The following PROS1 variants were observed in gnomAD, a reference collection of about 807,000 sequenced individuals.
PROS1 encodes the protein protein S.
In PROS1, 29 loss-of-function variants were observed where a neutral mutation model predicts 75.9. That is an observed-to-expected ratio of 0.38 (90% CI 0.28 to 0.52). The LOEUF (loss-of-function observed/expected upper bound fraction) is 0.52, where lower values mean the gene tolerates loss of function less well. Ranked by LOEUF, PROS1 falls within the 20% of genes least tolerant of loss-of-function variation. The pLI is 0.83. For synonymous variants in PROS1, 245 were observed against 280.6 expected (o/e 0.87, Z 1.27); for missense variants, 680 against 810.3 (o/e 0.84, Z 1.95).
rs1470771749 is a variant in PROS1 at position 93,898,463 on chromosome 3, A to G, written c.834T>C (p.Asp278=). 2 of 1,612,544 alleles carry G rather than the reference A, an allele frequency of 1.2e-6. No homozygotes were observed. The highest frequency in any genetic ancestry group is 2.7e-5 in the African/African-American group (2 of 74,858). ...AAATGTTTACCTCACAACTCTTCTGATCTTGGGCAAGTTTGAATCCTTTCT... is the reference window on the plus strand; with the variant it reads ...AAATGTTTACCTCACAACTCTTCTGGTCTTGGGCAAGTTTGAATCCTTTCT... ...DGKKGFKLAQ[D]QKSCEVVSVC... Residue 278 remains aspartate (D), a synonymous_variant, in exon 8 of 15, where the codon GAT becomes GAC. Transcript: ENST00000394236.
chr3:93,894,176 A>G (rs1171234920), intron 9 of PROS1, among the ~76,000 whole-genome samples: 1 of 152,180 alleles, frequency 6.6e-6, no homozygotes, highest in African/African-American at 2.4e-5. Flanking sequence ...TTACCGCAAT[A>G]TAGTAAAATA....
chr3:93,898,415 C>T (rs1708534869), intron 8 of PROS1, 33 bp downstream of exon 8: 1 of 1,609,642 alleles, frequency 6.2e-7, no homozygotes, highest in Non-Finnish European at 8.5e-7. Context: ...TTTTAGAAAA[C>T]AGGTGAGAAG....
chr3:93,905,688 A>G, intron 6 of PROS1, 96 bp downstream of exon 6: 3 of 1,316,578 alleles, frequency 2.3e-6, no homozygotes, highest in South Asian at 2.5e-5. Flanking sequence ...ATAAGCACTT[A>G]CATATCATTT....
rs200228050 is a variant in PROS1 at position 93,877,076 on chromosome 3, G to A, written c.1760C>T (p.Ser587Leu). ...FRVNRNNLEL[S>L]TPLKIETISH... ...GATGGTTTCTATTTTAAGTGGTGTC[G>A]ACAACTCCAGATTGTTTCTGTTGAC... The change falls in exon 14 of 15, where the codon TCG (serine) becomes TTG (leucine). Residue 587 changes from serine (S) to leucine (L), a missense_variant. Coordinates refer to ENST00000394236, the MANE Select transcript of PROS1 (RefSeq NM_000313.4). The A allele has an allele frequency of 3.0e-5, 48 of 1,612,908 alleles. No homozygotes were observed. The Admixed American group carries it at 5.3e-4, about 18-fold the overall frequency.
chr3:93,888,056 T>C (rs1047498452), intron 10 of PROS1, among the ~76,000 whole-genome samples: 3 of 152,206 alleles, frequency 2.0e-5, no homozygotes, highest in African/African-American at 7.2e-5. Context: ...ATGTAGGGAA[T>C]ATTCATGCTT....
At chr3:93,946,362 A>C (rs1709398601) in intron 1 of PROS1, among the ~76,000 whole-genome samples, 1 of 152,244 alleles carries the variant, frequency 6.6e-6, no homozygotes, top group African/African-American at 2.4e-5. Flanking sequence ...ATCCTAAGAC[A>C]AAAGAACAAA....
intron 12 of PROS1, among the ~76,000 whole-genome samples, chr3:93,884,132 T>C (rs1041309023): frequency 2.0e-5 from 3 of 152,206 alleles, no homozygotes; most frequent in African/African-American, 7.2e-5. Context: ...GTCTCTACTG[T>C]TATACGTAAG....
intron 1 of PROS1, among the ~76,000 whole-genome samples, chr3:93,930,437 G>A (rs1240261879): frequency 1.3e-5 from 2 of 152,172 alleles, no homozygotes; most frequent in African/African-American, 4.8e-5. Flanking sequence ...TTTCATTGAA[G>A]GGTGAATACA....
intron 6 of PROS1, 81 bp downstream of exon 6, chr3:93,905,703 A>G (rs1708664376): frequency 6.6e-7 from 1 of 1,511,050 alleles, no homozygotes; most frequent in African/African-American, 1.4e-5. Context: ...TCATTTTTCC[A>G]AAAATTTGCT....
chr3:93,901,645 T>C (rs954478065), intron 6 of PROS1, among the ~76,000 whole-genome samples: 1 of 152,194 alleles, frequency 6.6e-6, no homozygotes, highest in Non-Finnish European at 1.5e-5. Flanking sequence ...ACAGAAAATA[T>C]GTTTTCTATT....
chr3:93,968,557 C>T (rs957019262), intron 1 of PROS1, among the ~76,000 whole-genome samples: 3 of 152,028 alleles, frequency 2.0e-5, no homozygotes, highest in Non-Finnish European at 4.4e-5. Context: ...ATACAGTTAC[C>T]TAATCTCAAA....
rs61519199 is a variant in PROS1 at position 93,927,137 on chromosome 3, A to C, written c.234+113T>G. 0.035 allele frequency: 47,834 copies of C among 1,357,738 alleles called. 1,120 individuals carry two copies. Among genetic ancestry groups the C allele is most frequent in the Middle Eastern group, 0.085 (332 of 3,924 alleles). The allele number at this position is 1,357,738 out of a possible 1,614,324, so 84.1% of individuals were successfully genotyped here. A position where few individuals can be genotyped will look rare whatever the true frequency, so the allele number is the denominator to read the frequency against. ...TGGAAGTGGTTATGTGTGGAAGGTG[A>C]TACACAGAATTATTGACTTTAAGAT... On this transcript the variant is annotated intron_variant, in intron 2 of 14. Transcript: ENST00000394236.
At chr3:93,884,597 T>C (rs1241534891) in intron 12 of PROS1, 131 bp downstream of exon 12, 1 of 1,050,044 alleles carries the variant, frequency 9.5e-7, no homozygotes. Context: ...TATAATAGTA[T>C]GAATAAGCAT....
At chr3:93,928,252 G>A (rs1437573919) in intron 1 of PROS1, among the ~76,000 whole-genome samples, 1 of 149,894 alleles carries the variant, frequency 6.7e-6, no homozygotes, top group Non-Finnish European at 1.5e-5. Flanking sequence ...TGCCACTTGA[G>A]TGCAGGAATT....
At chr3:93,901,174 G>A (rs1204755982) in intron 6 of PROS1, among the ~76,000 whole-genome samples, 1 of 152,144 alleles carries the variant, frequency 6.6e-6, no homozygotes, top group African/African-American at 2.4e-5. Context: ...TGTTAAGAAG[G>A]AGAAAGCTTT....
At chr3:93,941,069 C>G (rs1390197933) in intron 1 of PROS1, among the ~76,000 whole-genome samples, 2 of 152,216 alleles carry the variant, frequency 1.3e-5, no homozygotes, top group South Asian at 4.1e-4. Context: ...TTGCCTTTAC[C>G]CTGACACCCA....
chr3:93,903,991 G>A (rs1473656389), intron 6 of PROS1, among the ~76,000 whole-genome samples: 1 of 121,908 alleles, frequency 8.2e-6, no homozygotes, highest in African/African-American at 3.3e-5. Context: ...ACAGTCCCCA[G>A]AGTGTGATAT....
chr3:93,906,487 G>C (rs183277479), intron 4 of PROS1, among the ~76,000 whole-genome samples: 18 of 152,280 alleles, frequency 1.2e-4, no homozygotes, highest in African/African-American at 4.1e-4. Context: ...TCGTGGCTCC[G>C]GACCCGGGTG....
Position 93,905,799 on chromosome 3 carries a change from T to C in PROS1, c.586A>G (p.Lys196Glu), listed in dbSNP as rs121918474. The change falls in exon 6 of 15, where the codon AAG becomes GAG. Residue 196 changes from lysine (K) to glutamate (E), a missense_variant. Lys to Glu is a moderately conservative substitution (Grantham distance 56). Coordinates refer to ENST00000394236, the MANE Select transcript of PROS1 (RefSeq NM_000313.4). ...CTGCTCTTACCTTTACAATCTTTCT[T>C]ATTTGAAAGCATAACAAAACCATTT... ...CKNGFVMLSN[K>E]KDCKDVDECS... 1.5e-4 allele frequency: 236 copies of C among 1,612,018 alleles called. 3 individuals carry two copies. The East Asian group carries it at 5.2e-3, about 36-fold the overall frequency.
Sources: gnomAD v4.1 joint callset for allele counts (sites outside exome capture counted in the v4.1 genomes callset) on GRCh38, gnomAD v4.1.1 for gene constraint, MANE v1.5 for transcripts, NCBI Gene and HGNC (gene_info 2026-07-23, HGNC 2026-07-21) for gene names.